Variants in OSBPL1A observed in about 807,000 individuals in gnomAD.
The protein encoded by OSBPL1A is oxysterol binding protein like 1A.
OSBPL1A carries 80 observed loss-of-function variants against 137.1 expected under a neutral mutation model. The ratio of observed to expected loss-of-function variants is 0.58; its 90% CI spans 0.49 to 0.70. The LOEUF (loss-of-function observed/expected upper bound fraction) is 0.70. Among genes scored for constraint, OSBPL1A ranks in the 30% least tolerant of loss-of-function variants. OSBPL1A has a pLI of 0.00. For missense variants in OSBPL1A, 970 were observed against 1,129.4 expected (o/e 0.86, Z 2.02); for synonymous variants, 365 against 389.7 (o/e 0.94, Z 0.75).
intron 1 of OSBPL1A, among the ~76,000 whole-genome samples, chr18:24,389,508 T>C (rs1907176717): frequency 1.3e-5 from 2 of 152,224 alleles, no homozygotes; most frequent in Non-Finnish European, 2.9e-5. Context: ...ATAAGTTCTA[T>C]GGCCCCAACA....
At chr18:24,260,030 C>G (rs2089404095) in intron 15 of OSBPL1A, among the ~76,000 whole-genome samples, 1 of 151,984 alleles carries the variant, frequency 6.6e-6, no homozygotes, top group South Asian at 2.1e-4. Context: ...GGGCAAAGGA[C>G]TCAGACATTT....
intron 4 of OSBPL1A, among the ~76,000 whole-genome samples, chr18:24,349,588 TA>T (rs2091402945): frequency 6.6e-6 from 1 of 152,106 alleles, no homozygotes; most frequent in African/African-American, 2.4e-5. Flanking sequence ...AGACACGACC[TA>T]TTGAAGTGAG....
intron 17 of OSBPL1A, among the ~76,000 whole-genome samples, chr18:24,214,748 G>A (rs2087642393): frequency 6.6e-6 from 1 of 152,102 alleles, no homozygotes; most frequent in Non-Finnish European, 1.5e-5. Flanking sequence ...CCAAAACAAG[G>A]GTTTGGGGAA....
chr18:24,368,301 G>C lies in OSBPL1A; in HGVS notation c.193C>G (p.Gln65Glu). The C allele has an allele frequency of 1.2e-6, 2 of 1,611,534 alleles. No homozygotes were observed. The highest frequency in any genetic ancestry group is 1.7e-6 in the Non-Finnish European group (2 of 1,177,798). The change falls in exon 3 of 28, where the codon CAG becomes GAG. Residue 65 changes from glutamine (Q) to glutamate (E), a missense_variant. Physicochemically the swap from Gln to Glu is conservative, Grantham distance 29. Coordinates refer to ENST00000319481, the MANE Select transcript of OSBPL1A (RefSeq NM_080597.4). ...CATAAATAGACCTTCAACAGATCCT[G>C]GACCACTTGTCTGTGTCCAAAATAG... is the stretch of plus-strand genomic sequence containing the variant. ...ACYFGHRQVV[Q>E]DLLKAGAEVN... is the part of the protein sequence containing the mutation.
At chr18:24,383,919 A>G (rs1906776592) in intron 1 of OSBPL1A, among the ~76,000 whole-genome samples, 1 of 152,364 alleles carries the variant, frequency 6.6e-6, no homozygotes. Flanking sequence ...TGGAGGTACC[A>G]TGATGGATAA....
chr18:24,198,471 A>G (rs970357493), intron 17 of OSBPL1A, among the ~76,000 whole-genome samples: 1 of 152,206 alleles, frequency 6.6e-6, no homozygotes, highest in Non-Finnish European at 1.5e-5. Flanking sequence ...TATCTGCAAC[A>G]TTCATTACCT....
intron 27 of OSBPL1A, among the ~76,000 whole-genome samples, chr18:24,164,208 A>C (rs2086086955): frequency 6.6e-6 from 1 of 152,192 alleles, no homozygotes; most frequent in Non-Finnish European, 1.5e-5. Flanking sequence ...AAGACATACA[A>C]ATAGGCAACA....
chr18:24,241,760 G>A (rs1360300281), intron 15 of OSBPL1A, among the ~76,000 whole-genome samples: 1 of 152,158 alleles, frequency 6.6e-6, no homozygotes, highest in Non-Finnish European at 1.5e-5. Flanking sequence ...ATCTGACCCA[G>A]CAATCCCATT....
At chr18:24,210,826 G>A (rs982691338) in intron 17 of OSBPL1A, among the ~76,000 whole-genome samples, 9 of 151,934 alleles carry the variant, frequency 5.9e-5, no homozygotes, top group African/African-American at 7.2e-5. Flanking sequence ...GTGAGCCATC[G>A]TATCTGGTAT....
chr18:24,232,381 C>G (rs1366392948), intron 16 of OSBPL1A, among the ~76,000 whole-genome samples: 1 of 152,222 alleles, frequency 6.6e-6, no homozygotes, highest in Non-Finnish European at 1.5e-5. Context: ...CAGATCCTCT[C>G]TGAATGATGT....
At chr18:24,193,046 T>C (rs1034931123) in intron 18 of OSBPL1A, among the ~76,000 whole-genome samples, 11 of 152,146 alleles carry the variant, frequency 7.2e-5, no homozygotes, top group African/African-American at 2.7e-4. Context: ...CTTCCACTCT[T>C]AGGACTTATT....
At chr18:24,249,424 T>G (rs2089003054) in intron 15 of OSBPL1A, among the ~76,000 whole-genome samples, 1 of 152,192 alleles carries the variant, frequency 6.6e-6, no homozygotes. Flanking sequence ...AACAAGTATC[T>G]GCACACAGAA....
chr18:24,345,221 T>C (rs1001626754), intron 4 of OSBPL1A, among the ~76,000 whole-genome samples: 3 of 152,290 alleles, frequency 2.0e-5, no homozygotes, highest in Middle Eastern at 3.4e-3. Context: ...AGAAATAAAC[T>C]GTAGCATGCC....
At chr18:24,192,532 A>T (rs758181524) in intron 18 of OSBPL1A, among the ~76,000 whole-genome samples, 2 of 152,246 alleles carry the variant, frequency 1.3e-5, no homozygotes, top group Non-Finnish European at 2.9e-5. Flanking sequence ...TTTTGATAAC[A>T]TAATCCTGCT....
At chr18:24,195,984 G>A (rs1486582569) in intron 18 of OSBPL1A, 141 bp downstream of exon 18, 2 of 685,294 alleles carry the variant, frequency 2.9e-6, no homozygotes, top group Non-Finnish European at 4.9e-6. Context: ...AGTCACCTAC[G>A]ACTTTTCACA....
chr18:24,220,240 G>A (rs2087844402), intron 17 of OSBPL1A, among the ~76,000 whole-genome samples: 1 of 152,184 alleles, frequency 6.6e-6, no homozygotes, highest in Admixed American at 6.5e-5. Context: ...ATGCCTTTTA[G>A]AATACCAAGC....
chr18:24,357,889 G>T, intron 4 of OSBPL1A: 1 of 152,886 alleles, frequency 6.5e-6, no homozygotes, highest in Non-Finnish European at 1.5e-5. Flanking sequence ...GGAGCACAGT[G>T]CCTGGTTGGC....
In OSBPL1A at chr18:24,163,015, A is replaced by G. The variant is rs1036029663; in HGVS notation, c.*164T>C. On this transcript the variant is annotated 3_prime_UTR_variant, in exon 28 of 28. Transcript: ENST00000319481. ...ATTTTTCCTAAGACTTTCATCACCA[A>G]TATCGCCTTATACCCTGCTTTTGTT... The G allele has an allele frequency of 5.9e-6, 3 of 505,654 alleles. No individual in the cohort carries two copies. The South Asian group carries it at 8.2e-5, about 14-fold the overall frequency. 31.3% of individuals were successfully genotyped at this position (505,654 alleles called of 1,614,324 possible).
intron 1 of OSBPL1A, among the ~76,000 whole-genome samples, chr18:24,395,072 A>G (rs775116229): frequency 1.2e-4 from 18 of 152,208 alleles, no homozygotes; most frequent in Admixed American, 2.0e-4. Context: ...TACATACACT[A>G]TACAGATTAC....
Sources: gnomAD v4.1 joint callset for allele counts (sites outside exome capture counted in the v4.1 genomes callset) on GRCh38, gnomAD v4.1.1 for gene constraint, MANE v1.5 for transcripts, NCBI Gene and HGNC (gene_info 2026-07-23, HGNC 2026-07-21) for gene names.